Variants in OXCT1 observed in about 807,000 individuals in gnomAD.
The protein encoded by OXCT1 is 3-oxoacid CoA-transferase 1.
A neutral mutation model predicts 69.6 loss-of-function variants in OXCT1; 27 were observed. The ratio of observed to expected loss-of-function variants is 0.39; its 90% CI spans 0.29 to 0.54. The LOEUF (loss-of-function observed/expected upper bound fraction) is 0.54, where lower values mean the gene tolerates loss of function less well. Ranked by LOEUF, OXCT1 falls within the 20% of genes least tolerant of loss-of-function variation. The pLI, the probability that OXCT1 is intolerant of heterozygous loss-of-function variation, is 0.72. For synonymous variants in OXCT1, 202 were observed against 217.8 expected (o/e 0.93, Z 0.64); for missense variants, 437 against 650.2 (o/e 0.67, Z 3.57).
intron 1 of OXCT1, among the ~76,000 whole-genome samples, chr5:41,866,207 T>C (rs1391708965): frequency 1.3e-5 from 2 of 152,198 alleles, no homozygotes; most frequent in Admixed American, 6.5e-5. Flanking sequence ...TTGTCATTTA[T>C]TGGAGTTTAG....
chr5:41,831,318 TG>T (rs1262813551), intron 7 of OXCT1, among the ~76,000 whole-genome samples: 2 of 152,170 alleles, frequency 1.3e-5, no homozygotes, highest in Non-Finnish European at 2.9e-5. Flanking sequence ...ATCAGTTAGC[TG>T]CAAATCTAGC....
chr5:41,810,055 C>G (rs894116702), intron 7 of OXCT1, among the ~76,000 whole-genome samples: 9 of 151,560 alleles, frequency 5.9e-5, no homozygotes, highest in African/African-American at 2.2e-4. Context: ...AAGAAGAAAA[C>G]ATGTTTTCAG....
At chr5:41,768,248 A>AC in intron 13 of OXCT1, among the ~76,000 whole-genome samples, 1 of 152,260 alleles carries the variant, frequency 6.6e-6, no homozygotes, top group African/African-American at 2.4e-5. Flanking sequence ...GATGTATACT[A>AC]CTTCCAGGTC....
chr5:41,752,571 A>T (rs967528724), intron 14 of OXCT1, among the ~76,000 whole-genome samples: 6 of 152,026 alleles, frequency 3.9e-5, no homozygotes, highest in Admixed American at 3.9e-4. Flanking sequence ...CAGGCAACAT[A>T]GCAAGACCCT....
At chr5:41,803,293 T>C (rs1414187386) in intron 9 of OXCT1, 130 bp from the exon 10 acceptor site, 2 of 641,834 alleles carry the variant, frequency 3.1e-6, no homozygotes, top group Non-Finnish European at 5.6e-6. Flanking sequence ...TAAATGAATA[T>C]ATTCTCCAAT....
At chr5:41,853,791 C>A (rs1188352542) in intron 3 of OXCT1, 2 of 584,696 alleles carry the variant, frequency 3.4e-6, no homozygotes, top group South Asian at 3.3e-5. Context: ...GGGAGCGGGG[C>A]ATGCACAGGG....
At chr5:41,750,196 T>TA (rs1743713012) in intron 14 of OXCT1, among the ~76,000 whole-genome samples, 1 of 151,230 alleles carries the variant, frequency 6.6e-6, no homozygotes, top group South Asian at 2.1e-4. Context: ...ATTTTCTTCT[T>TA]ATATCCACTT....
intron 16 of OXCT1, among the ~76,000 whole-genome samples, chr5:41,734,291 G>T (rs1208933355): frequency 1.3e-5 from 2 of 152,048 alleles, no homozygotes; most frequent in African/African-American, 4.8e-5. Context: ...TTTAAATATG[G>T]AATACATTTT....
intron 13 of OXCT1, among the ~76,000 whole-genome samples, chr5:41,782,455 C>A (rs556277789): frequency 2.0e-5 from 3 of 152,124 alleles, no homozygotes; most frequent in Non-Finnish European, 4.4e-5. Flanking sequence ...CTGAAGTAAT[C>A]CGCCTGCCTT....
chr5:41,801,837 A>G (rs1746438099), intron 10 of OXCT1, among the ~76,000 whole-genome samples: 1 of 152,096 alleles, frequency 6.6e-6, no homozygotes, highest in South Asian at 2.1e-4. Context: ...AAATAGGCCA[A>G]GTAGTTTAAG....
At chr5:41,781,282 T>G (rs1745387081) in intron 13 of OXCT1, among the ~76,000 whole-genome samples, 1 of 152,142 alleles carries the variant, frequency 6.6e-6, no homozygotes, top group Non-Finnish European at 1.5e-5. Context: ...TTGGGTTTGC[T>G]TACCACTCTA....
chr5:41,782,368 C>T (rs1326123050), intron 13 of OXCT1, among the ~76,000 whole-genome samples: 1 of 152,040 alleles, frequency 6.6e-6, no homozygotes, highest in Non-Finnish European at 1.5e-5. Flanking sequence ...GTGCATGCCA[C>T]CATGCCTAGC....
chr5:41,767,316 C>T (rs991320508), intron 13 of OXCT1, among the ~76,000 whole-genome samples: 2 of 151,894 alleles, frequency 1.3e-5, no homozygotes, highest in African/African-American at 4.8e-5. Context: ...ATTATGTAAA[C>T]CAACTAATAT....
At position 41,749,589 on chromosome 5, in the gene OXCT1, T is replaced by C. The variant is rs775810546; in HGVS notation, c.1357A>G (p.Met453Val). Residue 453 changes from methionine (M) to valine (V), a missense_variant, in exon 15 of 17, where the codon ATG becomes GTG. Met to Val is a conservative substitution (Grantham distance 21). Around this residue, in one of 4 missense-constraint regions of OXCT1, gnomAD observed 102 missense variants for 162.1 expected, o/e 0.63. Coordinates refer to ENST00000196371, the MANE Select transcript of OXCT1 (RefSeq NM_000436.4). ...HSAKGNAHKI[M>V]EKCTLPLTGK... ...GTCAATGGTAATGTACATTTCTCCATGATTTTATGTGCATTTCCCTGTTTT... is the reference window on the plus strand; with the variant it reads ...GTCAATGGTAATGTACATTTCTCCACGATTTTATGTGCATTTCCCTGTTTT... 2.5e-6 allele frequency: 4 copies of C among 1,605,912 alleles called. No individual in the cohort carries two copies. Among genetic ancestry groups the C allele is most frequent in the Middle Eastern group, 1.7e-4 (1 of 6,020 alleles).
intron 7 of OXCT1, among the ~76,000 whole-genome samples, chr5:41,817,380 C>T (rs1021853820): frequency 1.3e-5 from 2 of 152,152 alleles, no homozygotes; most frequent in African/African-American, 4.8e-5. Context: ...AAAAGTTGAA[C>T]TGTAAATGAA....
intron 3 of OXCT1, among the ~76,000 whole-genome samples, chr5:41,857,357 T>C (rs1176305486): frequency 6.6e-6 from 1 of 152,242 alleles, no homozygotes; most frequent in Non-Finnish European, 1.5e-5. Context: ...TGCCCTTTGA[T>C]GTCCCCAACC....
At chr5:41,811,117 AT>A (rs1243573415) in intron 7 of OXCT1, among the ~76,000 whole-genome samples, 1 of 151,764 alleles carries the variant, frequency 6.6e-6, no homozygotes, top group East Asian at 1.9e-4. Flanking sequence ...GTCTAGAAAA[AT>A]AAAAGGGGGA....
At chr5:41,795,620 G>C (rs13185973) in intron 11 of OXCT1, among the ~76,000 whole-genome samples, 27,828 of 151,992 alleles carry the variant, frequency 0.18, 2,756 homozygotes, top group Middle Eastern at 0.29. Flanking sequence ...AATAACTTCA[G>C]TGATAAGAAT....
intron 2 of OXCT1, among the ~76,000 whole-genome samples, chr5:41,861,964 G>A (rs914068374): frequency 1.4e-4 from 21 of 152,152 alleles, no homozygotes; most frequent in African/African-American, 3.4e-4. Flanking sequence ...TAATCCCAGC[G>A]CTTTGGGAGG....
Sources: gnomAD v4.1 joint callset for allele counts (sites outside exome capture counted in the v4.1 genomes callset) on GRCh38, gnomAD v4.1.1 for gene constraint, gnomAD v4.1.1 regional missense constraint, MANE v1.5 for transcripts, NCBI Gene and HGNC (gene_info 2026-07-23, HGNC 2026-07-21) for gene names.